The following TMC2 variants were observed in gnomAD, a reference collection of about 807,000 sequenced individuals.
TMC2 encodes transmembrane channel-like protein 2.
TMC2 carries 102 observed loss-of-function variants against 105.9 expected under a neutral mutation model. The observed-to-expected ratio is 0.96, with a 90% CI of 0.82 to 1.14. TMC2 has a LOEUF of 1.14. TMC2 is among the 50% of genes most tolerant of loss of function. The pLI is 0.00. For synonymous variants in TMC2, 402 were observed against 422.8 expected, an observed-to-expected ratio of 0.95 and a Z score of 0.60; for missense variants, 1,093 against 1,134.3, an observed-to-expected ratio of 0.96 and a Z score of 0.52.
At position 2,563,373 on chromosome 20, in the gene TMC2, T is replaced by C. The variant is rs531512339; in HGVS notation, c.554+1363T>C. Reference sequence around the variant, plus strand: ...CCTCGTAGTGCCTCCAGGCCTATGCTTTAGGCCAGTGCTGCTGAGCACCAG... The same window carrying C: ...CCTCGTAGTGCCTCCAGGCCTATGCCTTAGGCCAGTGCTGCTGAGCACCAG... On this transcript the variant is annotated intron_variant, in intron 4 of 19. Coordinates refer to ENST00000358864, the MANE Select transcript of TMC2 (RefSeq NM_080751.3). Among the ~76,000 whole-genome samples the C allele has an allele frequency of 3.3e-5, 5 of 152,314 alleles. No individual in the cohort carries two copies. In the South Asian group the frequency reaches 8.3e-4, roughly 25 times the overall value.
At chr20:2,615,746 T>G (rs141580923) in intron 14 of TMC2, among the ~76,000 whole-genome samples, 143 of 152,346 alleles carry the variant, frequency 9.4e-4, no homozygotes, top group African/African-American at 3.3e-3. Context: ...TATTTGCATT[T>G]CATTATTTAT....
At chr20:2,620,074 G>A (rs1358766750) in intron 16 of TMC2, among the ~76,000 whole-genome samples, 1 of 151,996 alleles carries the variant, frequency 6.6e-6, no homozygotes, top group Non-Finnish European at 1.5e-5. Flanking sequence ...GCAAGGCTCT[G>A]CTTCAAAAAA....
intron 2 of TMC2, among the ~76,000 whole-genome samples, chr20:2,550,712 GA>G (rs2085951672): frequency 1.3e-5 from 2 of 152,132 alleles, no homozygotes; most frequent in Non-Finnish European, 2.9e-5. Context: ...TCTTTCTCCA[GA>G]ATGCTGTATA....
chr20:2,608,304 TTATTATTA>T (rs1045004210), intron 11 of TMC2, among the ~76,000 whole-genome samples: 14 of 109,062 alleles, frequency 1.3e-4, no homozygotes, highest in African/African-American at 8.5e-4. Context: ...TTTTTATTTA[TTATTATTA>T]TTATTATTAT....
intron 7 of TMC2, among the ~76,000 whole-genome samples, chr20:2,590,834 A>C (rs1468098822): frequency 1.3e-5 from 2 of 152,122 alleles, no homozygotes; most frequent in Non-Finnish European, 2.9e-5. Context: ...TTAAAGACAA[A>C]TGGCAGTGAT....
At chr20:2,608,475 G>A (rs1437505834) in intron 11 of TMC2, among the ~76,000 whole-genome samples, 5 of 151,818 alleles carry the variant, frequency 3.3e-5, no homozygotes, top group African/African-American at 1.2e-4. Flanking sequence ...CTACAGGCAC[G>A]CACCACCACA....
Position 2,641,229 on chromosome 20 carries a change from G to A in TMC2, c.2599G>A (p.Ala867Thr). ...SNSASRTTLP[A>T]SGHLPISRPP... ...TTCTGCCAGCAGGACCACACTGCCT[G>A]CCTCTGGACACCTTCCTATATCTCG... The change falls in exon 20 of 20, where the codon GCC becomes ACC. Residue 867 changes from alanine (A) to threonine (T), a missense_variant. Transcript: ENST00000358864. The A allele has an allele frequency of 6.2e-7, 1 of 1,614,166 alleles. No individual in the cohort carries two copies. Among genetic ancestry groups the A allele is most frequent in the Non-Finnish European group, 8.5e-7 (1 of 1,180,030 alleles).
chr20:2,612,601 G>A lies in TMC2; in HGVS notation c.1743+261G>A, dbSNP rs1206733901. ...TTTTTCCAAAAACATAGTAAATTAT[G>A]TCTATTCTACAAATGCAGAGAAAGC... On this transcript the variant is annotated intron_variant, in intron 13 of 19. Coordinates refer to ENST00000358864, the MANE Select transcript of TMC2 (RefSeq NM_080751.3). 3.9e-5 allele frequency among the ~76,000 whole-genome samples: 6 copies of A among 152,256 alleles called. No homozygotes were observed. The South Asian group carries it at 6.2e-4, about 16-fold the overall frequency.
chr20:2,558,332 C>T lies in TMC2; in HGVS notation c.83-124C>T. 1.3e-6 allele frequency: 2 copies of T among 1,482,570 alleles called. No individual in the cohort carries two copies. Among genetic ancestry groups the T allele is most frequent in the Non-Finnish European group, 9.0e-7 (1 of 1,115,696 alleles). 91.8% of individuals were successfully genotyped at this position (1,482,570 alleles called of 1,614,324 possible). A position where few individuals can be genotyped will look rare whatever the true frequency, so the allele number is the denominator to read the frequency against. ...GTGCCATACTTTGGGGTGTCCTGTT[C>T]TGAGCCCCGCAGAGCTCACAAGCTC... On this transcript the variant is annotated intron_variant, in intron 2 of 19. Transcript: ENST00000358864. This position sits in a 1 kb window ranked among gnomAD's most constrained non-coding sequence, Gnocchi z 4.6.
chr20:2,576,844 C>A (rs2086148679), intron 5 of TMC2, among the ~76,000 whole-genome samples: 1 of 151,866 alleles, frequency 6.6e-6, no homozygotes, highest in Non-Finnish European at 1.5e-5. Flanking sequence ...TATAGGCAGA[C>A]CTACCTAGGA....
intron 8 of TMC2, among the ~76,000 whole-genome samples, chr20:2,594,224 C>CATTTTTTTTTTT: frequency 8.8e-6 from 1 of 113,176 alleles, no homozygotes; most frequent in Non-Finnish European, 2.0e-5. Context: ...ACTAAGGATT[C>CATTTTTTTTTTT]CTTTTTTTTT....
intron 13 of TMC2, among the ~76,000 whole-genome samples, chr20:2,612,650 T>C (rs1034972360): frequency 1.3e-5 from 2 of 152,174 alleles, no homozygotes; most frequent in African/African-American, 4.8e-5. Flanking sequence ...TTTTGGTCCT[T>C]CTTCTATGTG....
chr20:2,578,333 T>C (rs757685677), intron 5 of TMC2, among the ~76,000 whole-genome samples: 1 of 152,024 alleles, frequency 6.6e-6, no homozygotes, highest in Non-Finnish European at 1.5e-5. Flanking sequence ...ATAACAATAA[T>C]AATAATAATG....
intron 7 of TMC2, among the ~76,000 whole-genome samples, chr20:2,583,626 C>T (rs2086211089): frequency 6.6e-6 from 1 of 152,140 alleles, no homozygotes; most frequent in Admixed American, 6.6e-5. Flanking sequence ...CCACGCCCTG[C>T]TAATTTTTGT....
chr20:2,542,830 T>A (rs2085898953), intron 2 of TMC2, among the ~76,000 whole-genome samples: 1 of 151,914 alleles, frequency 6.6e-6, no homozygotes. Flanking sequence ...TAGCTGGGAC[T>A]ACAGGCGAGC....
chr20:2,559,649 G>T (rs1409973672), intron 3 of TMC2, among the ~76,000 whole-genome samples: 1 of 152,144 alleles, frequency 6.6e-6, no homozygotes, highest in Non-Finnish European at 1.5e-5. Context: ...CACAGCCTCA[G>T]TTGGGTGCTC....
chr20:2,638,367 A>AAAC (rs756106265), intron 19 of TMC2, among the ~76,000 whole-genome samples: 1 of 151,678 alleles, frequency 6.6e-6, no homozygotes, highest in Admixed American at 6.6e-5. Flanking sequence ...AAAAAAAAAA[A>AAAC]ATCTCTAGCA....
intron 4 of TMC2, among the ~76,000 whole-genome samples, chr20:2,568,466 G>T (rs1213285871): frequency 6.6e-6 from 1 of 152,156 alleles, no homozygotes; most frequent in African/African-American, 2.4e-5. Flanking sequence ...TCTCTTGGGG[G>T]TTTGCTGGAT....
chr20:2,599,040 G>A (rs565823862), intron 10 of TMC2, among the ~76,000 whole-genome samples: 220 of 152,166 alleles, frequency 1.4e-3, no homozygotes, highest in Middle Eastern at 3.4e-3. Context: ...TAATTGAGTG[G>A]TTGGGTTTGC....
Sources: gnomAD v4.1 joint callset for allele counts (sites outside exome capture counted in the v4.1 genomes callset) on GRCh38, gnomAD v4.1.1 for gene constraint, Gnocchi (gnomAD v3.1) non-coding constraint, MANE v1.5 for transcripts, NCBI Gene and HGNC (gene_info 2026-07-23, HGNC 2026-07-21) for gene names.